DMD: variants seen among roughly 807,000 people sequenced by gnomAD.
DMD encodes the protein mutant dystrophin.
A neutral mutation model predicts 330.1 loss-of-function variants in DMD; 63 were observed. The ratio of observed to expected loss-of-function variants is 0.19; its 90% CI spans 0.16 to 0.24. DMD has a LOEUF of 0.24. Ranked by LOEUF, DMD falls within the 10% of genes least tolerant of loss-of-function variation. The pLI, the probability that DMD is intolerant of heterozygous loss-of-function variation, is 1.00. For synonymous variants in DMD, 1,223 were observed against 959.8 expected (o/e 1.27, Z -5.07); for missense variants, 3,344 against 2,684.1 (o/e 1.25, Z -5.43).
intron 17 of DMD, among the ~76,000 whole-genome samples, chrX:32,532,301 G>A (rs919981649): frequency 1.8e-5 from 2 of 112,128 alleles, no homozygotes; most frequent in African/African-American, 6.5e-5. Context: ...ATGTAGAACA[G>A]ACATAATCTA....
At chrX:32,486,666 G>T (rs1460142541) in intron 20 of DMD, among the ~76,000 whole-genome samples, 1 of 106,817 alleles carries the variant, frequency 9.4e-6, no homozygotes, top group Non-Finnish European at 1.9e-5. Flanking sequence ...TAGATCAATG[G>T]AACAGAACAG....
intron 1 of DMD, among the ~76,000 whole-genome samples, chrX:33,244,201 C>A (rs916698212): frequency 9.0e-6 from 1 of 111,280 alleles, no homozygotes; most frequent in Non-Finnish European, 1.9e-5. Flanking sequence ...AAGCTTTCAA[C>A]TTTTCCCCAT....
intron 13 of DMD, among the ~76,000 whole-genome samples, chrX:32,574,899 ATTTT>A (rs57772309): frequency 1.0e-5 from 1 of 98,452 alleles, no homozygotes; most frequent in Non-Finnish European, 2.1e-5. Context: ...TAATCCACCT[ATTTT>A]TTTTTTTTTT....
At chrX:31,675,311 T>C (rs2082014898) in intron 53 of DMD, among the ~76,000 whole-genome samples, 1 of 111,751 alleles carries the variant, frequency 8.9e-6, no homozygotes, top group Non-Finnish European at 1.9e-5. Flanking sequence ...ACATGACATC[T>C]CCGGTTTTAT....
chrX:33,144,310 T>G (rs2148598641), intron 1 of DMD, among the ~76,000 whole-genome samples: 1 of 111,288 alleles, frequency 9.0e-6, no homozygotes. Context: ...GGGGCTTGTT[T>G]AATGAGTATA....
intron 76 of DMD, among the ~76,000 whole-genome samples, chrX:31,143,078 A>T (rs1291788505): frequency 8.9e-6 from 1 of 112,227 alleles, no homozygotes; most frequent in Non-Finnish European, 1.9e-5. Flanking sequence ...TATACACTGC[A>T]TTTATTTAAA....
chrX:31,606,117 C>T (rs753119983), intron 55 of DMD, among the ~76,000 whole-genome samples: 1 of 111,184 alleles, frequency 9.0e-6, no homozygotes, highest in Admixed American at 9.6e-5. Flanking sequence ...ATAAGGGGCT[C>T]TTCCTACTTC....
intron 1 of DMD, among the ~76,000 whole-genome samples, chrX:33,237,691 TA>T (rs2052513111): frequency 8.9e-6 from 1 of 112,165 alleles, no homozygotes; most frequent in Admixed American, 9.5e-5. Flanking sequence ...ACGGATATAT[TA>T]AAAATATAGA....
chrX:32,779,577 G>T (rs186429753), intron 7 of DMD, among the ~76,000 whole-genome samples: 2 of 108,467 alleles, frequency 1.8e-5, no homozygotes, highest in Admixed American at 2.0e-4. Flanking sequence ...ACCTATGAGT[G>T]AGAACATGCG....
At chrX:32,219,830 G>A (rs763403014) in intron 43 of DMD, among the ~76,000 whole-genome samples, 3 of 111,578 alleles carry the variant, frequency 2.7e-5, no homozygotes, top group African/African-American at 9.8e-5. Flanking sequence ...AAAGATTTTC[G>A]ATTTCAAACC....
chrX:32,700,188 A>T (rs897041871), intron 7 of DMD, among the ~76,000 whole-genome samples: 1 of 111,594 alleles, frequency 9.0e-6, no homozygotes, highest in African/African-American at 3.2e-5. Flanking sequence ...ATGTTAACAC[A>T]TAAGTTCTGA....
intron 44 of DMD, among the ~76,000 whole-genome samples, chrX:32,008,676 T>C (rs1161456960): frequency 9.0e-6 from 1 of 111,663 alleles, no homozygotes; most frequent in African/African-American, 3.3e-5. Context: ...AAATGCTGCA[T>C]GAAAAATAAG....
intron 44 of DMD, among the ~76,000 whole-genome samples, chrX:32,064,915 C>T (rs2096250336): frequency 1.8e-5 from 2 of 111,313 alleles, no homozygotes; most frequent in South Asian, 7.3e-4. Context: ...GCTATCGATG[C>T]TTCAGCTGAT....
At chrX:33,314,825 TC>T (rs2053910140) in intron 1 of DMD, among the ~76,000 whole-genome samples, 1 of 109,854 alleles carries the variant, frequency 9.1e-6, no homozygotes, top group African/African-American at 3.3e-5. Context: ...ATTTTTTTCT[TC>T]CTTTTTTTTG....
intron 1 of DMD, among the ~76,000 whole-genome samples, chrX:33,132,198 C>T (rs1298567953): frequency 8.9e-6 from 1 of 112,181 alleles, no homozygotes; most frequent in African/African-American, 3.2e-5. Flanking sequence ...GATGTTAGAT[C>T]ATGTTAGAAA....
intron 37 of DMD, among the ~76,000 whole-genome samples, chrX:32,355,628 T>C (rs373278789): frequency 3.1e-4 from 35 of 111,784 alleles, no homozygotes; most frequent in South Asian, 2.6e-3. Flanking sequence ...GGACTTAACC[T>C]TGTTATAGGG....
intron 19 of DMD, among the ~76,000 whole-genome samples, chrX:32,493,604 G>A (rs898679162): frequency 9.0e-6 from 1 of 111,679 alleles, no homozygotes; most frequent in Non-Finnish European, 1.9e-5. Context: ...TTAAGTAACT[G>A]TTGTTATAAA....
chrX:31,178,921 T>G, intron 69 of DMD, 116 bp from the exon 70 acceptor site: 1 of 942,599 alleles, frequency 1.1e-6, no homozygotes, highest in Non-Finnish European at 1.5e-6. Flanking sequence ...GTGTTGTGGT[T>G]GTGAGCAAAG....
intron 55 of DMD, among the ~76,000 whole-genome samples, chrX:31,543,662 T>C (rs1469320568): frequency 8.9e-6 from 1 of 112,358 alleles, no homozygotes; most frequent in Non-Finnish European, 1.9e-5. Context: ...ATCTTAGCTA[T>C]TATAGATATG....
Sources: gnomAD v4.1 joint callset for allele counts (sites outside exome capture counted in the v4.1 genomes callset) on GRCh38, gnomAD v4.1.1 for gene constraint, MANE v1.5 for transcripts, NCBI Gene and HGNC (gene_info 2026-07-23, HGNC 2026-07-21) for gene names.